PLAC9: variants seen among roughly 807,000 people sequenced by gnomAD.
PLAC9 encodes placenta associated 9, also known as placenta-specific protein 9.
Under a neutral mutation model 11.5 loss-of-function variants are expected in PLAC9, and 12 were observed. The ratio of observed to expected loss-of-function variants is 1.05; its 90% CI spans 0.67 to 1.69. PLAC9 has a LOEUF of 1.69. Ranked by LOEUF, PLAC9 falls within the 40% of genes most tolerant of loss-of-function variation. The pLI is 0.00. For synonymous variants in PLAC9, 62 were observed against 58.1 expected, an observed-to-expected ratio of 1.07 and a Z score of -0.31; for missense variants, 132 against 130.5, an observed-to-expected ratio of 1.01 and a Z score of -0.06.
intron 2 of PLAC9, among the ~76,000 whole-genome samples, chr10:80,143,310 C>T (rs748519903): frequency 4.0e-5 from 6 of 151,752 alleles, no homozygotes; most frequent in Non-Finnish European, 4.4e-5. Flanking sequence ...CAAGTGATCT[C>T]GCCTCAACCT....
upstream of PLAC9, chr10:80,132,636 C>T: frequency 2.7e-6 from 2 of 735,106 alleles, no homozygotes; most frequent in Non-Finnish European, 4.0e-6. Context: ...TCTCTCGAGC[C>T]AGAAAGTCCG....
chr10:80,138,893 C>G (rs1367512886), intron 1 of PLAC9, among the ~76,000 whole-genome samples: 1 of 151,948 alleles, frequency 6.6e-6, no homozygotes, highest in Non-Finnish European at 1.5e-5. Flanking sequence ...ATGGCCACAG[C>G]CTTAATATTG....
At chr10:80,134,718 T>C (rs1844953909) in intron 1 of PLAC9, among the ~76,000 whole-genome samples, 1 of 152,224 alleles carries the variant, frequency 6.6e-6, no homozygotes. Context: ...ATGTCCTTGA[T>C]TGATTGTGTC....
In PLAC9 at chr10:80,132,767, G is replaced by C. The variant is rs1844926961; in HGVS notation, c.5G>C (p.Arg2Pro). The C allele has an allele frequency of 1.4e-6, 2 of 1,480,358 alleles. No individual in the cohort carries two copies. Among genetic ancestry groups the C allele is most frequent in the African/African-American group, 1.5e-5 (1 of 68,264 alleles). The allele number at this position is 1,480,358 out of a possible 1,614,324, so 91.7% of individuals were successfully genotyped here. Residue 2 changes from arginine (R) to proline (P), a missense_variant, in exon 1 of 4, where the codon CGG becomes CCG. Arg to Pro is a moderately radical substitution (Grantham distance 103, BLOSUM62 -2). Transcript: ENST00000372263. Reference sequence around the variant, plus strand: ...GCGCTCGGCCAGGCCGGCACCATGCGGCCCCTGCTCTGCGCGCTGACCGGA... The same window carrying C: ...GCGCTCGGCCAGGCCGGCACCATGCCGCCCCTGCTCTGCGCGCTGACCGGA... M[R>P]PLLCALTGLA...
In PLAC9 at chr10:80,136,325, C is replaced by T. The variant is rs9665495; in HGVS notation, c.64+3499C>T. Among the ~76,000 whole-genome samples, 719 of 152,194 alleles carry T rather than the reference C, an allele frequency of 4.7e-3. 3 individuals carry two copies. Among genetic ancestry groups the T allele is most frequent in the African/African-American group, 0.016 (647 of 41,522 alleles). On this transcript the variant is annotated intron_variant, in intron 1 of 3. Transcript: ENST00000372263. ...TCCCAACTGGCAGGGCCTGGGAGAG[C>T]GGGAGGAAAGGAAGGAAGGGAGCCC...
upstream of PLAC9, among the ~76,000 whole-genome samples, chr10:80,132,299 C>A (rs1162421964): frequency 2.0e-5 from 3 of 152,180 alleles, no homozygotes; most frequent in Non-Finnish European, 4.4e-5. Context: ...AGAAAAGCTG[C>A]CAAACTCCCA....
At chr10:80,132,706 G>T (rs973647646), upstream of PLAC9, 8 of 1,392,148 alleles carry the variant, frequency 5.7e-6, no homozygotes, top group African/African-American at 1.5e-5. Context: ...GGCCGGGTGC[G>T]ATCCGGGAAG....
chr10:80,142,215 G>A (rs776087757), intron 2 of PLAC9, 36 bp downstream of exon 2: 3 of 1,533,002 alleles, frequency 2.0e-6, no homozygotes, highest in Non-Finnish European at 9.0e-7. Flanking sequence ...GCGAGTTCAG[G>A]ACCACCTTCT....
chr10:80,138,121 T>C (rs1271273951), intron 1 of PLAC9, among the ~76,000 whole-genome samples: 2 of 152,172 alleles, frequency 1.3e-5, no homozygotes, highest in Non-Finnish European at 2.9e-5. Context: ...GCTTTTGTTA[T>C]GGAACATTTC....
At chr10:80,132,569 G>T, upstream of PLAC9, 1 of 454,866 alleles carries the variant, frequency 2.2e-6, no homozygotes, top group Non-Finnish European at 3.8e-6. Context: ...CAGCTCCCGG[G>T]GTCTCTGGGC....
chr10:80,140,261 C>T (rs1244134508), intron 1 of PLAC9, among the ~76,000 whole-genome samples: 7 of 152,094 alleles, frequency 4.6e-5, no homozygotes, highest in South Asian at 2.1e-4. Flanking sequence ...CTAGACCTTG[C>T]GATCCAATCT....
rs953061414 is a variant in PLAC9 at position 80,132,734 on chromosome 10, G to C, written c.-29G>C. The C allele has an allele frequency of 1.4e-6, 2 of 1,446,214 alleles. No homozygotes were observed. The highest frequency in any genetic ancestry group is 3.0e-5 in the African/African-American group (2 of 67,118). 89.6% of individuals were successfully genotyped at this position (1,446,214 alleles called of 1,614,324 possible). On this transcript the variant is annotated 5_prime_UTR_variant, in exon 1 of 4. Coordinates refer to ENST00000372263, the MANE Select transcript of PLAC9 (RefSeq NM_001012973.3). ...CCGGGAAGGGCGGCTGCGGGCAGAC[G>C]CGGCGCTGCGCTCGGCCAGGCCGGC...
At chr10:80,144,565 C>T (rs12765995) in intron 3 of PLAC9, among the ~76,000 whole-genome samples, 1 of 141,722 alleles carries the variant, frequency 7.1e-6, no homozygotes, top group African/African-American at 2.5e-5. Context: ...AAATGAGGTT[C>T]TGGAAGAGCC....
intron 2 of PLAC9, among the ~76,000 whole-genome samples, chr10:80,143,742 CTA>C (rs1157838271): frequency 2.6e-5 from 4 of 152,066 alleles, no homozygotes; most frequent in South Asian, 2.1e-4. Context: ...CTTAGTAATT[CTA>C]TATGTTTTAT....
chr10:80,144,387 A>C (rs1845076986), intron 3 of PLAC9, 44 bp downstream of exon 3: 1 of 1,539,780 alleles, frequency 6.5e-7, no homozygotes. Context: ...GGCGGCTGTC[A>C]TCTGGCGCTG....
chr10:80,142,145 TG>T lies in PLAC9; in HGVS notation c.130del (p.Ala44LeufsTer6). 1 of 1,610,766 alleles carries T rather than the reference TG, an allele frequency of 6.2e-7. No homozygotes were observed. Among genetic ancestry groups the T allele is most frequent in the Non-Finnish European group, 8.5e-7 (1 of 1,177,362 alleles). On this transcript the variant is annotated frameshift_variant, in exon 2 of 4. Coordinates refer to ENST00000372263, the MANE Select transcript of PLAC9 (RefSeq NM_001012973.3). LOFTEE classifies it high-confidence loss of function. The stretch of plus-strand genomic sequence containing the variant: ...CAGAGCACAGCGTGTGACAGACACA[TG>T]GCTGTGCAACGCCGTCTAGATGTCA... Reference protein sequence around the residue: ...SAQSTACDRHMAVQRRLDVME... With the variant: ...SAQSTACDRHXAVQRRLDVME...
In PLAC9 at chr10:80,132,745, C is replaced by T. The variant is rs1844926645; in HGVS notation, c.-18C>T. 6.9e-7 allele frequency: 1 copy of T among 1,452,890 alleles called. No individual in the cohort carries two copies. The highest frequency in any genetic ancestry group is 9.0e-7 in the Non-Finnish European group (1 of 1,112,508). The allele number at this position is 1,452,890 out of a possible 1,614,324, so 90.0% of individuals were successfully genotyped here. On this transcript the variant is annotated 5_prime_UTR_variant, in exon 1 of 4. Transcript: ENST00000372263. ...GGCTGCGGGCAGACGCGGCGCTGCG[C>T]TCGGCCAGGCCGGCACCATGCGGCC...
rs1293826848 is a variant in PLAC9 at position 80,144,920 on chromosome 10, C to T, written c.*10C>T. 9 of 1,572,868 alleles carry T rather than the reference C, an allele frequency of 5.7e-6. No individual in the cohort carries two copies. The African/African-American group carries it at 1.2e-4, about 21-fold the overall frequency. On this transcript the variant is annotated 3_prime_UTR_variant, in exon 4 of 4. Coordinates refer to ENST00000372263, the MANE Select transcript of PLAC9 (RefSeq NM_001012973.3). ...TTCAGATGGCTTCTGAGCCCTGGAG[C>T]TGGAGCCCAGCAGTTGGAGGTGGTG... is the stretch of plus-strand genomic sequence containing the variant.
intron 1 of PLAC9, among the ~76,000 whole-genome samples, chr10:80,137,651 A>T (rs1844995454): frequency 6.6e-6 from 1 of 151,988 alleles, no homozygotes; most frequent in South Asian, 2.1e-4. Context: ...GCGGTTGTTC[A>T]CTCCTATAAT....
Sources: allele counts gnomAD v4.1 joint callset (sites outside exome capture counted in the v4.1 genomes callset), GRCh38; gene constraint gnomAD v4.1.1; transcripts MANE v1.5; gene names NCBI Gene and HGNC (gene_info 2026-07-23, HGNC 2026-07-21).